The following PRIM2 variants were observed in gnomAD, a reference collection of about 807,000 sequenced individuals.
The protein encoded by PRIM2 is DNA primase large subunit.
A neutral mutation model predicts 67.3 loss-of-function variants in PRIM2; 39 were observed. The ratio of observed to expected loss-of-function variants is 0.58; its 90% CI spans 0.45 to 0.76. The LOEUF (loss-of-function observed/expected upper bound fraction) is 0.76. Among genes scored for constraint, PRIM2 ranks in the 30% least tolerant of loss-of-function variants. PRIM2 has a pLI of 0.00. For synonymous variants in PRIM2, 143 were observed against 198.7 expected, an observed-to-expected ratio of 0.72 and a Z score of 2.36; for missense variants, 398 against 598.7, an observed-to-expected ratio of 0.66 and a Z score of 3.50.
chr6:57,244,655 G>A, the PRIM2 span, among the ~76,000 whole-genome samples: 1 of 152,098 alleles, frequency 6.6e-6, no homozygotes, highest in African/African-American at 2.4e-5. Flanking sequence ...CAGCTACTCC[G>A]GAGGCTGAGG....
At chr6:57,578,317 A>C (rs1448535666) in intron 10 of PRIM2, among the ~76,000 whole-genome samples, 1 of 152,146 alleles carries the variant, frequency 6.6e-6, no homozygotes, top group Non-Finnish European at 1.5e-5. Flanking sequence ...CTTGGGGGAC[A>C]TACTTTTAGA....
At chr6:57,241,848 A>AT in the PRIM2 span, among the ~76,000 whole-genome samples, 52 of 151,728 alleles carry the variant, frequency 3.4e-4, no homozygotes, top group Non-Finnish European at 6.5e-4. Context: ...AATTTTTTGT[A>AT]TTTTTAGTAG....
At chr6:57,295,238 G>A in the PRIM2 span, among the ~76,000 whole-genome samples, 2 of 152,124 alleles carry the variant, frequency 1.3e-5, no homozygotes, top group East Asian at 1.9e-4. Flanking sequence ...CCCAGCTGAC[G>A]TGACAAAATG....
At chr6:57,323,095 T>TA (rs1767715751) in intron 3 of PRIM2, among the ~76,000 whole-genome samples, 1 of 151,706 alleles carries the variant, frequency 6.6e-6, no homozygotes, top group African/African-American at 2.4e-5. Flanking sequence ...TTTTTTTTTT[T>TA]AAAGGATTAA....
intron 10 of PRIM2, among the ~76,000 whole-genome samples, chr6:57,584,157 T>C (rs1273907055): frequency 3.3e-5 from 5 of 152,318 alleles, no homozygotes; most frequent in African/African-American, 1.2e-4. Flanking sequence ...CTGAATATAA[T>C]AGATATAGTT....
intron 7 of PRIM2, among the ~76,000 whole-genome samples, chr6:57,470,798 G>A (rs1232102076): frequency 2.0e-5 from 3 of 151,964 alleles, no homozygotes; most frequent in African/African-American, 7.3e-5. Flanking sequence ...GGTTCAAATA[G>A]TGCCTGAATT....
chr6:57,521,079 A>AAATC, intron 8 of PRIM2, among the ~76,000 whole-genome samples: 1 of 152,342 alleles, frequency 6.6e-6, no homozygotes, highest in East Asian at 1.9e-4. Flanking sequence ...AACCAATTTA[A>AAATC]AACAGAATTT....
At chr6:57,426,449 A>G (rs1392892767) in intron 7 of PRIM2, among the ~76,000 whole-genome samples, 2 of 152,176 alleles carry the variant, frequency 1.3e-5, no homozygotes, top group Admixed American at 6.6e-5. Flanking sequence ...GTGTTCAAGA[A>G]TCCCAAAGTG....
intron 8 of PRIM2, among the ~76,000 whole-genome samples, chr6:57,519,366 C>A (rs1774560272): frequency 1.3e-5 from 2 of 152,216 alleles, no homozygotes; most frequent in East Asian, 1.9e-4. Context: ...GTCTATTTCA[C>A]CCCTGCAGTC....
the PRIM2 span, among the ~76,000 whole-genome samples, chr6:57,300,709 T>C: frequency 1.2e-4 from 18 of 152,206 alleles, no homozygotes; most frequent in African/African-American, 4.3e-4. Context: ...ACTAGCGTAG[T>C]TCTGGTTTGG....
At chr6:57,531,499 C>T (rs1474254618) in intron 8 of PRIM2, among the ~76,000 whole-genome samples, 1 of 152,114 alleles carries the variant, frequency 6.6e-6, no homozygotes, top group Non-Finnish European at 1.5e-5. Context: ...TGCTATGTCA[C>T]ACCTGCATGC....
chr6:57,476,569 T>C (rs1334816655), intron 7 of PRIM2, among the ~76,000 whole-genome samples: 1 of 152,198 alleles, frequency 6.6e-6, no homozygotes, highest in Non-Finnish European at 1.5e-5. Context: ...TATTATACCA[T>C]GTAAAAAGTA....
chr6:57,634,235 G>A (rs1777082246), intron 13 of PRIM2, among the ~76,000 whole-genome samples: 1 of 152,166 alleles, frequency 6.6e-6, no homozygotes, highest in African/African-American at 2.4e-5. Flanking sequence ...TCATAGCATG[G>A]TAAACAGGTA....
At chr6:57,297,113 T>A in the PRIM2 span, among the ~76,000 whole-genome samples, 2 of 152,160 alleles carry the variant, frequency 1.3e-5, no homozygotes, top group Non-Finnish European at 1.5e-5. Context: ...TTTTTAACAG[T>A]AGAATTCTAA....
At chr6:57,328,445 A>G (rs1287710521) in intron 5 of PRIM2, among the ~76,000 whole-genome samples, 1 of 152,192 alleles carries the variant, frequency 6.6e-6, no homozygotes, top group Non-Finnish European at 1.5e-5. Flanking sequence ...GAGTCATACA[A>G]TATGTGGTCC....
At chr6:57,470,020 A>T (rs1448018068) in intron 7 of PRIM2, among the ~76,000 whole-genome samples, 1 of 152,016 alleles carries the variant, frequency 6.6e-6, no homozygotes, top group Non-Finnish European at 1.5e-5. Context: ...CAGTTGGCTG[A>T]GTTACCCTGA....
intron 3 of PRIM2, among the ~76,000 whole-genome samples, chr6:57,322,575 G>T (rs1381728969): frequency 3.3e-5 from 5 of 152,176 alleles, no homozygotes; most frequent in African/African-American, 1.2e-4. Flanking sequence ...ACCATGTGAA[G>T]AAGGACGTGT....
chr6:57,262,827 TAGA>T, the PRIM2 span, among the ~76,000 whole-genome samples: 1 of 152,162 alleles, frequency 6.6e-6, no homozygotes, highest in Non-Finnish European at 1.5e-5. Flanking sequence ...ACCGTCTTTC[TAGA>T]AGGAGGTCAG....
chr6:57,336,971 C>T (rs1222950788), intron 5 of PRIM2, among the ~76,000 whole-genome samples: 10 of 152,018 alleles, frequency 6.6e-5, no homozygotes, highest in Admixed American at 2.6e-4. Context: ...ACCCATCTCA[C>T]GTGCAGAGAC....
Sources: allele counts gnomAD v4.1 joint callset (sites outside exome capture counted in the v4.1 genomes callset), GRCh38; gene constraint gnomAD v4.1.1; transcripts MANE v1.5; gene names NCBI Gene and HGNC (gene_info 2026-07-23, HGNC 2026-07-21).